EXOC2: variants seen among roughly 807,000 people sequenced by gnomAD.
EXOC2 encodes the protein exocyst complex component 2, also known as SEC5-like 1.
In EXOC2, 70 loss-of-function variants were observed where a neutral mutation model predicts 131.8. The ratio of observed to expected loss-of-function variants is 0.53; its 90% CI spans 0.44 to 0.65. The LOEUF (loss-of-function observed/expected upper bound fraction) is 0.65. Ranked by LOEUF, EXOC2 falls within the 30% of genes least tolerant of loss-of-function variation. The pLI, the probability that EXOC2 is intolerant of heterozygous loss-of-function variation, is 0.00. For missense variants in EXOC2, 923 were observed against 1,108.6 expected (o/e 0.83, Z 2.38); for synonymous variants, 411 against 398.4 (o/e 1.03, Z -0.38).
intron 11 of EXOC2, among the ~76,000 whole-genome samples, chr6:581,607 G>T (rs919994241): frequency 6.6e-6 from 1 of 152,008 alleles, no homozygotes; most frequent in African/African-American, 2.4e-5. Context: ...CAAAATTCTG[G>T]AAATAAATAT....
intron 4 of EXOC2, among the ~76,000 whole-genome samples, chr6:623,286 C>G (rs1419034076): frequency 6.6e-6 from 1 of 152,232 alleles, no homozygotes; most frequent in East Asian, 1.9e-4. Context: ...GCACCCCTAC[C>G]CGGATGCGTC....
chr6:580,470 T>C (rs1758827912), intron 11 of EXOC2, among the ~76,000 whole-genome samples: 1 of 152,210 alleles, frequency 6.6e-6, no homozygotes, highest in African/African-American at 2.4e-5. Context: ...TCTATAGAAA[T>C]TAACTGTTCC....
At chr6:551,128 G>A (rs1425915562) in intron 21 of EXOC2, among the ~76,000 whole-genome samples, 1 of 152,200 alleles carries the variant, frequency 6.6e-6, no homozygotes, top group Admixed American at 6.5e-5. Context: ...AGATGGAGAC[G>A]CACGTTTGAA....
rs1449793562 is a variant in EXOC2, at chr6:507,767, G to C, written c.2381-8067C>G. 3.9e-5 allele frequency among the ~76,000 whole-genome samples: 6 copies of C among 152,128 alleles called. No homozygotes were observed. In the South Asian group the frequency reaches 1.2e-3, roughly 32 times the overall value. ...CTTCTGATTTTCTTTATGGGAAAAT[G>C]CTTTGTAAAATAAAAAGTGTTCTAC... On this transcript the variant is annotated intron_variant, in intron 23 of 27. Coordinates refer to ENST00000230449, the MANE Select transcript of EXOC2 (RefSeq NM_018303.6).
intron 1 of EXOC2, among the ~76,000 whole-genome samples, chr6:688,962 G>C (rs1246785055): frequency 1.3e-5 from 2 of 152,120 alleles, no homozygotes; most frequent in African/African-American, 2.4e-5. Context: ...AATGAGAAAA[G>C]GCCTTTAAAA....
rs1381059723 is a variant in EXOC2 at position 672,621 on chromosome 6, G to A, written c.-44+20398C>T. ...CTGCCTGTTGTCTCTCCCATTTAGG[G>A]GACAGTGGTTTACCCTGTGGCCTCA... is the stretch of plus-strand genomic sequence containing the variant. On this transcript the variant is annotated intron_variant, in intron 1 of 27. Coordinates refer to ENST00000230449, the MANE Select transcript of EXOC2 (RefSeq NM_018303.6). Among the ~76,000 whole-genome samples, 5 of 152,158 alleles carry A rather than the reference G, an allele frequency of 3.3e-5. No homozygotes were observed. The East Asian group carries it at 9.6e-4, about 29-fold the overall frequency.
chr6:600,481 T>C (rs73716840), intron 7 of EXOC2, among the ~76,000 whole-genome samples: 2,363 of 152,284 alleles, frequency 0.016, 66 homozygotes, highest in African/African-American at 0.053. Flanking sequence ...GGCTCATAAA[T>C]GAATAGATAT....
chr6:557,358 G>A (rs1376055374), intron 17 of EXOC2, among the ~76,000 whole-genome samples: 3 of 152,216 alleles, frequency 2.0e-5, no homozygotes, highest in Admixed American at 6.5e-5. Flanking sequence ...AGTGGCTCAC[G>A]CCTGTAATCC....
chr6:600,305 C>T (rs543499639), intron 7 of EXOC2, among the ~76,000 whole-genome samples: 2 of 152,182 alleles, frequency 1.3e-5, no homozygotes, highest in African/African-American at 4.8e-5. Context: ...TAGAATTCTA[C>T]ATTTCTATTA....
chr6:531,809 G>C (rs560587377), intron 23 of EXOC2, among the ~76,000 whole-genome samples: 4 of 152,326 alleles, frequency 2.6e-5, no homozygotes, highest in African/African-American at 9.6e-5. Context: ...GTGCCAACAG[G>C]CAGCTTGGTT....
intron 1 of EXOC2, 75 bp from the exon 2 acceptor site, chr6:637,936 A>G (rs1762176725): frequency 1.1e-6 from 1 of 927,402 alleles, no homozygotes; most frequent in Non-Finnish European, 1.7e-6. Flanking sequence ...AATGCTAGAC[A>G]GTCAGTACCA....
chr6:538,331 A>G (rs1324303771), intron 22 of EXOC2, among the ~76,000 whole-genome samples: 1 of 152,256 alleles, frequency 6.6e-6, no homozygotes, highest in African/African-American at 2.4e-5. Flanking sequence ...CCCTGTTCAC[A>G]CTGGCTGCTG....
intron 2 of EXOC2, among the ~76,000 whole-genome samples, chr6:634,497 A>G (rs1303175702): frequency 6.6e-6 from 1 of 152,202 alleles, no homozygotes; most frequent in Non-Finnish European, 1.5e-5. Flanking sequence ...TATATCACCT[A>G]ATGCCAAATC....
intron 4 of EXOC2, 152 bp from the exon 5 acceptor site, chr6:619,695 T>C (rs1467004600): frequency 1.9e-6 from 1 of 519,790 alleles, no homozygotes; most frequent in African/African-American, 1.9e-5. Flanking sequence ...TTTGTATATA[T>C]GTACAAAATA....
chr6:503,630 A>G (rs1281080888), intron 23 of EXOC2, among the ~76,000 whole-genome samples: 1 of 152,218 alleles, frequency 6.6e-6, no homozygotes, highest in African/African-American at 2.4e-5. Context: ...ATAATTTGTT[A>G]TATGTTTGGT....
At chr6:496,912 G>A (rs928861287) in intron 25 of EXOC2, among the ~76,000 whole-genome samples, 2 of 152,146 alleles carry the variant, frequency 1.3e-5, no homozygotes, top group African/African-American at 4.8e-5. Context: ...GCAACTACCA[G>A]CTGGTTATGT....
At chr6:662,349 T>C (rs989805406) in intron 1 of EXOC2, among the ~76,000 whole-genome samples, 3 of 152,170 alleles carry the variant, frequency 2.0e-5, no homozygotes, top group Non-Finnish European at 4.4e-5. Context: ...CTGCAGAATA[T>C]ACATTCTATT....
chr6:645,021 G>A (rs1332047376), intron 1 of EXOC2, among the ~76,000 whole-genome samples: 3 of 151,982 alleles, frequency 2.0e-5, no homozygotes, highest in Admixed American at 6.6e-5. Flanking sequence ...AATCTTAGGA[G>A]GAAGAAAAAA....
At chr6:669,405 A>T (rs538785454) in intron 1 of EXOC2, 91 of 152,636 alleles carry the variant, frequency 6.0e-4, no homozygotes, top group African/African-American at 2.1e-3. Flanking sequence ...CCCTAGGAAC[A>T]GTTGATTCTG....
Sources: allele counts gnomAD v4.1 joint callset (sites outside exome capture counted in the v4.1 genomes callset), GRCh38; gene constraint gnomAD v4.1.1; transcripts MANE v1.5; gene names NCBI Gene and HGNC (gene_info 2026-07-23, HGNC 2026-07-21).